The following GABRG3 variants were observed in gnomAD, a reference collection of about 807,000 sequenced individuals.
GABRG3 encodes gamma-aminobutyric acid receptor subunit gamma-3.
GABRG3 carries 25 observed loss-of-function variants against 48.8 expected under a neutral mutation model. The observed-to-expected ratio is 0.51, with a 90% CI of 0.37 to 0.72. The LOEUF (loss-of-function observed/expected upper bound fraction) is 0.72. GABRG3 is among the 30% of genes least tolerant of loss of function. The pLI, the probability that GABRG3 is intolerant of heterozygous loss-of-function variation, is 0.00. For missense variants in GABRG3, 394 were observed against 577.9 expected (o/e 0.68, Z 3.26); for synonymous variants, 227 against 217.6 (o/e 1.04, Z -0.38).
rs1898276747 is a variant in GABRG3 at position 27,149,786 on chromosome 15, TG to T, written c.270+122969del. ...TTGACAAGGGCTAAAGATAATTTAC[TG>T]GGGAAAAATAGTCTGGCTTCCCTCT... On this transcript the variant is annotated intron_variant, in intron 3 of 9. Coordinates refer to ENST00000615808, the MANE Select transcript of GABRG3 (RefSeq NM_033223.5). Among the ~76,000 whole-genome samples the T allele has an allele frequency of 3.3e-5, 5 of 152,338 alleles. No homozygotes were observed. The South Asian group carries it at 1.0e-3, about 32-fold the overall frequency.
rs1286791363 is a variant in GABRG3, at chr15:27,352,333, C to T, written c.574+23445C>T. On this transcript the variant is annotated intron_variant, in intron 5 of 9. Transcript: ENST00000615808. This position sits in a 1 kb window ranked among gnomAD's most constrained non-coding sequence, Gnocchi z 4.0. ...AGGACCCAGGGAGAGCACGATTATC[C>T]CCCGCACACTTCAAGGGGTGATGGG... Among the ~76,000 whole-genome samples the T allele has an allele frequency of 6.6e-6, 1 of 151,924 alleles. No homozygotes were observed. Among genetic ancestry groups the T allele is most frequent in the African/African-American group, 2.4e-5 (1 of 41,296 alleles).
At chr15:27,406,590 C>G (rs768213650) in intron 5 of GABRG3, among the ~76,000 whole-genome samples, 5 of 152,172 alleles carry the variant, frequency 3.3e-5, no homozygotes, top group Non-Finnish European at 7.4e-5. Context: ...AACAGGATAC[C>G]TGACCAGTAC....
intron 3 of GABRG3, among the ~76,000 whole-genome samples, chr15:27,324,421 G>C (rs1292725858): frequency 6.6e-6 from 1 of 152,198 alleles, no homozygotes; most frequent in Non-Finnish European, 1.5e-5. Flanking sequence ...GTTTTTCTTA[G>C]ATTCAGCTCT....
At chr15:27,173,191 A>T (rs1887629823) in intron 3 of GABRG3, among the ~76,000 whole-genome samples, 1 of 152,094 alleles carries the variant, frequency 6.6e-6, no homozygotes, top group African/African-American at 2.4e-5. Context: ...TCTAAAGTTG[A>T]TCTGTCAGGT....
intron 5 of GABRG3, among the ~76,000 whole-genome samples, chr15:27,386,584 T>G (rs9672373): frequency 0.4 from 60,484 of 151,822 alleles, 12,256 homozygotes; most frequent in East Asian, 0.49. Context: ...TGTGCTCTGC[T>G]CCAAATAAAG....
At chr15:27,349,007 C>T (rs139482432) in intron 5 of GABRG3, among the ~76,000 whole-genome samples, 12,532 of 152,054 alleles carry the variant, frequency 0.082, 1,351 homozygotes, top group African/African-American at 0.25. Context: ...ACCAGTTAGA[C>T]AGTTGGTGTC....
At chr15:27,314,923 T>C (rs1893159554) in intron 3 of GABRG3, among the ~76,000 whole-genome samples, 1 of 152,190 alleles carries the variant, frequency 6.6e-6, no homozygotes, top group African/African-American at 2.4e-5. Flanking sequence ...GGAAAATTTC[T>C]AATCAATGAG....
chr15:27,446,929 G>A (rs994619800), intron 5 of GABRG3, among the ~76,000 whole-genome samples: 3 of 152,032 alleles, frequency 2.0e-5, no homozygotes, highest in Non-Finnish European at 2.9e-5. Flanking sequence ...TGCCCGCACC[G>A]ACTCACACAC....
intron 2 of GABRG3, among the ~76,000 whole-genome samples, chr15:27,016,242 T>A (rs1291882111): frequency 6.8e-6 from 1 of 147,462 alleles, no homozygotes; most frequent in Non-Finnish European, 1.5e-5. Flanking sequence ...CTTTCTTTCT[T>A]TTTTTTTTTT....
intron 5 of GABRG3, among the ~76,000 whole-genome samples, chr15:27,397,574 T>C (rs911214947): frequency 6.6e-6 from 1 of 152,150 alleles, no homozygotes; most frequent in Admixed American, 6.5e-5. Context: ...GCGTATTCCC[T>C]TGGATTTTTT....
At chr15:27,172,905 G>C (rs148699147) in intron 3 of GABRG3, among the ~76,000 whole-genome samples, 1 of 152,102 alleles carries the variant, frequency 6.6e-6, no homozygotes, top group African/African-American at 2.4e-5. Flanking sequence ...CATTCCTCTC[G>C]GGCCAACTGT....
At position 26,976,636 on chromosome 15, in the gene GABRG3, C is replaced by CT. The variant is rs1482470128; in HGVS notation, c.54-365dup. ...GATGCAGTCACCATATAGAAAACCT[C>CT]TAGAAGGTTTGTGCCTTGACCTTCA... is the stretch of plus-strand genomic sequence containing the variant. On this transcript the variant is annotated intron_variant, in intron 1 of 9. Transcript: ENST00000615808. This position sits in a 1 kb window ranked among gnomAD's most constrained non-coding sequence, Gnocchi z 7.8. Among the ~76,000 whole-genome samples the CT allele has an allele frequency of 1.3e-5, 2 of 152,196 alleles. No homozygotes were observed. The highest frequency in any genetic ancestry group is 2.9e-5 in the Non-Finnish European group (2 of 68,046).
Position 27,218,530 on chromosome 15 carries a change from T to A in GABRG3, c.271-108279T>A, listed in dbSNP as rs147337683. Among the ~76,000 whole-genome samples the A allele has an allele frequency of 4.4e-3, 672 of 152,252 alleles. 6 individuals are homozygous for A. The highest frequency in any genetic ancestry group is 0.015 in the African/African-American group (636 of 41,564). On this transcript the variant is annotated intron_variant, in intron 3 of 9. Coordinates refer to ENST00000615808, the MANE Select transcript of GABRG3 (RefSeq NM_033223.5). ...CCTTTACTCAGCAGTGATGGAGGCT[T>A]ATGTCCCAGGGCTGCTGCTGCTTGT...
chr15:27,207,671 T>C (rs1219827704), intron 3 of GABRG3, among the ~76,000 whole-genome samples: 1 of 152,158 alleles, frequency 6.6e-6, no homozygotes, highest in Non-Finnish European at 1.5e-5. Context: ...ACAGATGTGG[T>C]AAGGAGAAGA....
At chr15:27,405,138 A>G (rs1026060739) in intron 5 of GABRG3, among the ~76,000 whole-genome samples, 23 of 152,250 alleles carry the variant, frequency 1.5e-4, no homozygotes. Flanking sequence ...TCTTTGGTAC[A>G]TAATTGTAGG....
chr15:27,208,326 C>T (rs754389712), intron 3 of GABRG3: 1 of 222,282 alleles, frequency 4.5e-6, no homozygotes, highest in Non-Finnish European at 1.0e-5. Context: ...AAGTCTGTAG[C>T]CCTTTCAAAG....
intron 3 of GABRG3, among the ~76,000 whole-genome samples, chr15:27,196,911 C>G (rs1888513968): frequency 6.6e-6 from 1 of 152,212 alleles, no homozygotes; most frequent in Non-Finnish European, 1.5e-5. Flanking sequence ...GTAGTTGCTG[C>G]TGTTGCCAGT....
chr15:27,289,915 A>G (rs935188363), intron 3 of GABRG3, among the ~76,000 whole-genome samples: 2 of 152,076 alleles, frequency 1.3e-5, no homozygotes, highest in African/African-American at 4.8e-5. Context: ...GGATAATGAG[A>G]CTCCAGTGGT....
intron 3 of GABRG3, 37 bp from the exon 4 acceptor site, chr15:27,326,772 A>G (rs1893629247): frequency 2.0e-6 from 3 of 1,494,226 alleles, no homozygotes; most frequent in African/African-American, 1.4e-5. Flanking sequence ...ACATTTATTA[A>G]TAGAACTGTC....
Sources: gnomAD v4.1 joint callset for allele counts (sites outside exome capture counted in the v4.1 genomes callset) on GRCh38, gnomAD v4.1.1 for gene constraint, Gnocchi (gnomAD v3.1) non-coding constraint, MANE v1.5 for transcripts, NCBI Gene and HGNC (gene_info 2026-07-23, HGNC 2026-07-21) for gene names.